The following TRAPPC9 variants were observed in gnomAD, a reference collection of about 807,000 sequenced individuals.
TRAPPC9 encodes trafficking protein particle complex subunit 9, also known as IKK2 binding protein.
Under a neutral mutation model 124.0 loss-of-function variants are expected in TRAPPC9, and 83 were observed. The ratio of observed to expected loss-of-function variants is 0.67; its 90% CI spans 0.56 to 0.80. The LOEUF is 0.80. Ranked by LOEUF, TRAPPC9 falls within the 30% of genes least tolerant of loss-of-function variation. The probability of loss-of-function intolerance (pLI) is 0.00; values close to 1 mark genes in which losing one functional copy is unlikely to be tolerated. For missense variants in TRAPPC9, 1,302 were observed against 1,508.3 expected, an observed-to-expected ratio of 0.86 and a Z score of 2.27; for synonymous variants, 638 against 617.5, an observed-to-expected ratio of 1.03 and a Z score of -0.49.
At chr8:140,121,530 G>A (rs1167840273) in intron 17 of TRAPPC9, among the ~76,000 whole-genome samples, 1 of 152,202 alleles carries the variant, frequency 6.6e-6, no homozygotes, top group Non-Finnish European at 1.5e-5. Flanking sequence ...AGTGGTGCAG[G>A]CCTGTGGCAG....
At chr8:139,816,025 G>C (rs1309028808) in intron 21 of TRAPPC9, among the ~76,000 whole-genome samples, 1 of 152,222 alleles carries the variant, frequency 6.6e-6, no homozygotes, top group African/African-American at 2.4e-5. Context: ...CCCGAGCCTG[G>C]ATAAAACTGG....
At chr8:140,230,248 C>T (rs1443097414) in intron 16 of TRAPPC9, among the ~76,000 whole-genome samples, 1 of 152,174 alleles carries the variant, frequency 6.6e-6, no homozygotes, top group Non-Finnish European at 1.5e-5. Flanking sequence ...ACTTTTAAAG[C>T]ACTGGACAGT....
At chr8:140,107,121 G>A (rs1186577416) in intron 17 of TRAPPC9, among the ~76,000 whole-genome samples, 1 of 152,086 alleles carries the variant, frequency 6.6e-6, no homozygotes, top group African/African-American at 2.4e-5. Context: ...CAAAAATACA[G>A]CAAGGACCAC....
At position 140,078,701 on chromosome 8, in the gene TRAPPC9, T is replaced by A. The variant is rs79783165; in HGVS notation, c.2557-54622A>T. Among the ~76,000 whole-genome samples, 618 of 152,272 alleles carry A rather than the reference T, an allele frequency of 4.1e-3. 2 individuals carry two copies. The highest frequency in any genetic ancestry group is 0.014 in the African/African-American group (578 of 41,546). On this transcript the variant is annotated intron_variant, in intron 17 of 22. Coordinates refer to ENST00000438773, the MANE Select transcript of TRAPPC9 (RefSeq NM_001160372.4). ...AATGTGTCATCTTCTGAGGAGCCCA[T>A]GCAGGAACTGAGAGGATGTCACATG... is the stretch of plus-strand genomic sequence containing the variant.
At position 140,252,245 on chromosome 8, in the gene TRAPPC9, G is replaced by A. The variant is rs1302431104; in HGVS notation, c.2431+532C>T. On this transcript the variant is annotated intron_variant, in intron 16 of 22. Transcript: ENST00000438773. This position sits in a 1 kb window ranked among gnomAD's most constrained non-coding sequence, Gnocchi z 4.2. ...TTCACCATGTTGTCCAGGCTGGTCT[G>A]AAAGTCCTGGCCTCAGGTGATCCGC... Among the ~76,000 whole-genome samples, 1 of 152,110 alleles carries A rather than the reference G, an allele frequency of 6.6e-6. No homozygotes were observed. The highest frequency in any genetic ancestry group is 1.5e-5 in the Non-Finnish European group (1 of 68,026).
chr8:140,229,251 C>CTTTTTTTTTT (rs528175891), intron 16 of TRAPPC9, among the ~76,000 whole-genome samples: 7 of 99,834 alleles, frequency 7.0e-5, no homozygotes, highest in African/African-American at 1.8e-4. Flanking sequence ...TTTTCTTTTT[C>CTTTTTTTTTT]TTTTTTTTTT....
At chr8:140,310,844 G>A (rs888408808) in intron 10 of TRAPPC9, among the ~76,000 whole-genome samples, 1 of 152,066 alleles carries the variant, frequency 6.6e-6, no homozygotes, top group African/African-American at 2.4e-5. Flanking sequence ...TGCTTGTGTG[G>A]GCGAGGAGCT....
At chr8:140,223,605 G>C (rs1380853849) in intron 16 of TRAPPC9, among the ~76,000 whole-genome samples, 1 of 152,200 alleles carries the variant, frequency 6.6e-6, no homozygotes, top group Non-Finnish European at 1.5e-5. Flanking sequence ...CTTGTGATAA[G>C]ATGAAGAGTA....
At chr8:140,060,216 T>A (rs1300880899) in intron 17 of TRAPPC9, among the ~76,000 whole-genome samples, 1 of 152,222 alleles carries the variant, frequency 6.6e-6, no homozygotes, top group Non-Finnish European at 1.5e-5. Flanking sequence ...CCGGCCCCAC[T>A]GCTAAGTAGG....
intron 17 of TRAPPC9, among the ~76,000 whole-genome samples, chr8:140,059,801 T>C (rs1051711923): frequency 6.6e-6 from 1 of 152,234 alleles, no homozygotes; most frequent in Admixed American, 6.5e-5. Context: ...TTTATTCACG[T>C]ATTCTTGATA....
At chr8:140,194,713 A>C (rs2062594859) in intron 17 of TRAPPC9, among the ~76,000 whole-genome samples, 1 of 152,186 alleles carries the variant, frequency 6.6e-6, no homozygotes, top group African/African-American at 2.4e-5. Flanking sequence ...ACTGTCTTTG[A>C]AGCTTTAAAA....
intron 16 of TRAPPC9, among the ~76,000 whole-genome samples, chr8:140,237,919 G>A (rs182414014): frequency 1.3e-5 from 2 of 152,340 alleles, no homozygotes; most frequent in Non-Finnish European, 1.5e-5. Flanking sequence ...GAGCAGTGAC[G>A]CGGACACGAG....
chr8:139,943,881 C>G (rs1834054890), intron 19 of TRAPPC9, among the ~76,000 whole-genome samples: 1 of 151,988 alleles, frequency 6.6e-6, no homozygotes, highest in Admixed American at 6.6e-5. Context: ...GAAACATGAG[C>G]AGCTAGGAAA....
Position 140,234,469 on chromosome 8 carries a change from G to A in TRAPPC9, c.2432-12886C>T, listed in dbSNP as rs183008220. Among the ~76,000 whole-genome samples, 141 of 152,284 alleles carry A rather than the reference G, an allele frequency of 9.3e-4. 1 individual carries two copies. Among genetic ancestry groups the A allele is most frequent in the African/African-American group, 3.3e-3 (139 of 41,552 alleles). ...CACCCTGGACGCTGAGCTCCTAGAG[G>A]GCAGAGACTGTGTCTTATTTTAATC... On this transcript the variant is annotated intron_variant, in intron 16 of 22. Coordinates refer to ENST00000438773, the MANE Select transcript of TRAPPC9 (RefSeq NM_001160372.4).
At chr8:139,850,646 A>G (rs1479218194) in intron 21 of TRAPPC9, among the ~76,000 whole-genome samples, 1 of 152,264 alleles carries the variant, frequency 6.6e-6, no homozygotes, top group Non-Finnish European at 1.5e-5. Context: ...AATGAGTTGA[A>G]CAATCAAGTC....
intron 1 of TRAPPC9, chr8:140,456,761 G>C (rs1382073207): frequency 1.0e-6 from 1 of 984,268 alleles, no homozygotes; most frequent in East Asian, 1.1e-4. Flanking sequence ...GTTTAAACTG[G>C]GGCCGTGAGG....
intron 21 of TRAPPC9, among the ~76,000 whole-genome samples, chr8:139,841,169 T>TTC (rs1826706115): frequency 6.6e-6 from 1 of 152,200 alleles, no homozygotes; most frequent in African/African-American, 2.4e-5. Context: ...CCCCGGCTCC[T>TTC]TCTTGTGGTC....
At chr8:140,404,632 A>G (rs1357531362) in intron 6 of TRAPPC9, among the ~76,000 whole-genome samples, 1 of 152,222 alleles carries the variant, frequency 6.6e-6, no homozygotes, top group Non-Finnish European at 1.5e-5. Context: ...GCAGAATAAC[A>G]TACTATGATC....
intron 9 of TRAPPC9, among the ~76,000 whole-genome samples, chr8:140,358,713 G>T (rs2067831479): frequency 6.6e-6 from 1 of 152,212 alleles, no homozygotes; most frequent in African/African-American, 2.4e-5. Context: ...AGGGAGTGGG[G>T]TCGCCACCTG....
Sources: gnomAD v4.1 joint callset for allele counts (sites outside exome capture counted in the v4.1 genomes callset) on GRCh38, gnomAD v4.1.1 for gene constraint, Gnocchi (gnomAD v3.1) non-coding constraint, MANE v1.5 for transcripts, NCBI Gene and HGNC (gene_info 2026-07-23, HGNC 2026-07-21) for gene names.